MAP3K20: variants seen among roughly 807,000 people sequenced by gnomAD.
MAP3K20 encodes HCCS-4.
A neutral mutation model predicts 85.7 loss-of-function variants in MAP3K20; 40 were observed. The observed-to-expected ratio is 0.47, with a 90% CI of 0.36 to 0.61. The LOEUF (loss-of-function observed/expected upper bound fraction) is 0.61. Among genes scored for constraint, MAP3K20 ranks in the 20% least tolerant of loss-of-function variants. The pLI is 0.00. For missense variants in MAP3K20, 817 were observed against 961.7 expected (o/e 0.85, Z 1.99); for synonymous variants, 325 against 327.7 (o/e 0.99, Z 0.09).
intron 2 of MAP3K20, among the ~76,000 whole-genome samples, chr2:173,165,615 G>T (rs1366833379): frequency 6.6e-6 from 1 of 152,096 alleles, no homozygotes; most frequent in African/African-American, 2.4e-5. Flanking sequence ...TTGTATTGTG[G>T]TAAAATATGC....
intron 2 of MAP3K20, among the ~76,000 whole-genome samples, chr2:173,118,441 T>C (rs1198894716): frequency 1.3e-5 from 2 of 152,198 alleles, no homozygotes; most frequent in South Asian, 2.1e-4. Context: ...AGGTAAAAAC[T>C]GTAACATATA....
intron 2 of MAP3K20, among the ~76,000 whole-genome samples, chr2:173,114,537 C>T (rs889535496): frequency 1.8e-4 from 27 of 152,016 alleles, no homozygotes; most frequent in African/African-American, 6.5e-4. Context: ...TGTCTTGATG[C>T]GTTTCTAGGA....
intron 2 of MAP3K20, among the ~76,000 whole-genome samples, chr2:173,145,924 A>G (rs1400307418): frequency 6.6e-6 from 1 of 152,032 alleles, no homozygotes; most frequent in Non-Finnish European, 1.5e-5. Flanking sequence ...AAAAGAATGA[A>G]CTACTGATAT....
intron 1 of MAP3K20, among the ~76,000 whole-genome samples, chr2:173,085,783 A>ATT (rs1435905218): frequency 2.6e-5 from 2 of 75,962 alleles, no homozygotes; most frequent in African/African-American, 4.8e-5. Flanking sequence ...GTGTAAAAGC[A>ATT]ATTTTTTTTT....
At chr2:173,196,138 G>A (rs892893010) in intron 7 of MAP3K20, among the ~76,000 whole-genome samples, 2 of 152,132 alleles carry the variant, frequency 1.3e-5, no homozygotes, top group African/African-American at 2.4e-5. Context: ...TCATCTGTGC[G>A]TTTGGGGGTC....
intron 2 of MAP3K20, among the ~76,000 whole-genome samples, chr2:173,107,415 C>T (rs565064049): frequency 9.2e-5 from 14 of 152,186 alleles, no homozygotes; most frequent in East Asian, 7.8e-4. Context: ...AGAATACATG[C>T]GGTCCTGTAG....
At chr2:173,202,324 T>C (rs1363860929) in intron 8 of MAP3K20, among the ~76,000 whole-genome samples, 1 of 152,244 alleles carries the variant, frequency 6.6e-6, no homozygotes, top group Non-Finnish European at 1.5e-5. Context: ...TAGGATTATC[T>C]GTAATTCAGA....
At chr2:173,126,068 A>G (rs186353739) in intron 2 of MAP3K20, among the ~76,000 whole-genome samples, 3 of 152,342 alleles carry the variant, frequency 2.0e-5, no homozygotes, top group Admixed American at 2.0e-4. Flanking sequence ...GATTAAAAAC[A>G]AATGCTTTCA....
chr2:173,098,423 G>A (rs905148397), intron 2 of MAP3K20, among the ~76,000 whole-genome samples: 23 of 152,296 alleles, frequency 1.5e-4, no homozygotes, highest in African/African-American at 5.5e-4. Flanking sequence ...CATGTAACAG[G>A]TCGCAGTCTA....
At chr2:173,157,965 A>T (rs1245725532) in intron 2 of MAP3K20, among the ~76,000 whole-genome samples, 2 of 152,184 alleles carry the variant, frequency 1.3e-5, no homozygotes, top group Non-Finnish European at 2.9e-5. Context: ...TGTTCGTTTT[A>T]TTCTGTATTC....
chr2:173,253,268 T>C (rs571197045), intron 16 of MAP3K20, among the ~76,000 whole-genome samples: 1 of 152,328 alleles, frequency 6.6e-6, no homozygotes, highest in African/African-American at 2.4e-5. Flanking sequence ...TAATGATAAT[T>C]ATTCCTTTTT....
chr2:173,088,520 A>G (rs1450007067), intron 1 of MAP3K20, among the ~76,000 whole-genome samples: 2 of 152,380 alleles, frequency 1.3e-5, no homozygotes, highest in South Asian at 2.1e-4. Flanking sequence ...CAGTGCCAGA[A>G]GAAAATGCTA....
chr2:173,266,315 C>T lies in MAP3K20; in HGVS notation c.1968C>T (p.Asp656=). Residue 656 remains aspartate (D), a synonymous_variant, in exon 20 of 20, where the codon GAC becomes GAT. Transcript: ENST00000375213. ...CTTCCCTACATCTCAACTCTAGGGA[C>T]AGTGGCTTTTCCAGTGGCAATACTG... ...NFSSLHLNSR[D]SGFSSGNTDT... is the part of the protein sequence containing the mutation. 6.2e-7 allele frequency: 1 copy of T among 1,614,184 alleles called. No individual in the cohort carries two copies.
chr2:173,260,550 CTTTGT>C (rs1685265420), intron 17 of MAP3K20, among the ~76,000 whole-genome samples: 1 of 151,498 alleles, frequency 6.6e-6, no homozygotes, highest in African/African-American at 2.4e-5. Context: ...CTCACTAATC[CTTTGT>C]TTTAATATAG....
At chr2:173,204,622 A>T (rs192320136) in intron 9 of MAP3K20, among the ~76,000 whole-genome samples, 19 of 152,214 alleles carry the variant, frequency 1.2e-4, no homozygotes, top group Admixed American at 1.2e-3. Context: ...ACATATGGAA[A>T]TGTTTACAGA....
chr2:173,087,822 G>A (rs1312799152), intron 1 of MAP3K20, among the ~76,000 whole-genome samples: 2 of 145,822 alleles, frequency 1.4e-5, no homozygotes, highest in African/African-American at 5.2e-5. Flanking sequence ...TCTATTCTGT[G>A]TGTTCTATTC....
At chr2:173,075,688 G>T (rs1441301906), upstream of MAP3K20, 1 of 966,162 alleles carries the variant, frequency 1.0e-6, no homozygotes, top group Non-Finnish European at 1.2e-6. Context: ...TGGGGGCCTC[G>T]GCGGGTGCCG....
intron 2 of MAP3K20, among the ~76,000 whole-genome samples, chr2:173,165,885 G>C (rs1276509927): frequency 6.6e-6 from 1 of 152,132 alleles, no homozygotes; most frequent in Non-Finnish European, 1.5e-5. Flanking sequence ...TGCCCAAGCT[G>C]ATCTCAAACT....
intron 14 of MAP3K20, 45 bp from the exon 15 acceptor site, chr2:173,238,328 T>G (rs767857877): frequency 4.0e-6 from 6 of 1,513,268 alleles, no homozygotes; most frequent in Non-Finnish European, 5.5e-6. Context: ...AGTCTTCTCT[T>G]GGTATTACTG....
Sources: gnomAD v4.1 joint callset for allele counts (sites outside exome capture counted in the v4.1 genomes callset) on GRCh38, gnomAD v4.1.1 for gene constraint, MANE v1.5 for transcripts, NCBI Gene and HGNC (gene_info 2026-07-23, HGNC 2026-07-21) for gene names.